PRKAR1B: variants seen among roughly 807,000 people sequenced by gnomAD.
PRKAR1B encodes the protein protein kinase cAMP-dependent type I regulatory subunit beta.
A neutral mutation model predicts 46.5 loss-of-function variants in PRKAR1B; 22 were observed. The ratio of observed to expected loss-of-function variants is 0.47; its 90% CI spans 0.34 to 0.68. The LOEUF (loss-of-function observed/expected upper bound fraction) is 0.68, where lower values mean the gene tolerates loss of function less well. Among genes scored for constraint, PRKAR1B ranks in the 30% least tolerant of loss-of-function variants. The pLI is 0.01. For synonymous variants in PRKAR1B, 259 were observed against 217.7 expected (o/e 1.19, Z -1.67); for missense variants, 445 against 535.6 (o/e 0.83, Z 1.67).
chr7:566,121 T>G (rs1779109896), intron 9 of PRKAR1B, among the ~76,000 whole-genome samples: 1 of 82,174 alleles, frequency 1.2e-5, no homozygotes, highest in Non-Finnish European at 2.7e-5. Context: ...TAAAAAAGTG[T>G]TAGTCACCAC....
intron 7 of PRKAR1B, among the ~76,000 whole-genome samples, chr7:585,271 A>C (rs766674561): frequency 1.3e-5 from 2 of 152,172 alleles, no homozygotes; most frequent in Non-Finnish European, 2.9e-5. Context: ...TGCTCTAGGC[A>C]GTCAGCTCCA....
chr7:660,259 C>G (rs938630080), intron 4 of PRKAR1B, among the ~76,000 whole-genome samples: 2 of 152,014 alleles, frequency 1.3e-5, no homozygotes, highest in East Asian at 1.9e-4. Context: ...ATGGGCCCAC[C>G]GAGTTCCCGT....
chr7:581,962 T>A (rs1377878180), intron 8 of PRKAR1B, among the ~76,000 whole-genome samples: 2 of 152,318 alleles, frequency 1.3e-5, no homozygotes, highest in East Asian at 3.9e-4. Flanking sequence ...CAAGTGATCC[T>A]CCCACCTCAG....
intron 2 of PRKAR1B, among the ~76,000 whole-genome samples, chr7:687,367 T>C (rs540514066): frequency 2.0e-5 from 3 of 151,498 alleles, no homozygotes; most frequent in Admixed American, 2.0e-4. Context: ...GGCACGAAAC[T>C]AAGAAAAAAA....
chr7:658,802 C>T (rs1309556380), intron 4 of PRKAR1B, among the ~76,000 whole-genome samples: 1 of 152,016 alleles, frequency 6.6e-6, no homozygotes, highest in Non-Finnish European at 1.5e-5. Flanking sequence ...AGGCACCCAC[C>T]ATCATGCCAG....
At chr7:553,837 C>A (rs1278909885) in intron 9 of PRKAR1B, among the ~76,000 whole-genome samples, 2 of 152,276 alleles carry the variant, frequency 1.3e-5, no homozygotes, top group African/African-American at 4.8e-5. Context: ...GCTGCCCTGG[C>A]CCCTGATCCG....
intron 9 of PRKAR1B, chr7:565,313 C>T (rs1316392893): frequency 6.6e-6 from 1 of 152,210 alleles, no homozygotes; most frequent in African/African-American, 2.4e-5. Flanking sequence ...AAATGCTGGT[C>T]TTACTACTAA....
At chr7:564,129 A>T (rs1328096653) in intron 9 of PRKAR1B, among the ~76,000 whole-genome samples, 1 of 151,538 alleles carries the variant, frequency 6.6e-6, no homozygotes, top group African/African-American at 2.4e-5. Context: ...TACCCCACGC[A>T]GCCACCACCC....
At chr7:565,701 T>C (rs1022916649) in intron 9 of PRKAR1B, 2 of 152,204 alleles carry the variant, frequency 1.3e-5, no homozygotes, top group Non-Finnish European at 2.9e-5. Flanking sequence ...GCAGGACAGA[T>C]GAGGCACACG....
chr7:645,006 T>C (rs552678310), intron 4 of PRKAR1B, among the ~76,000 whole-genome samples: 16 of 152,300 alleles, frequency 1.1e-4, no homozygotes, highest in African/African-American at 2.6e-4. Context: ...TAAGGCGCAG[T>C]GTGGACGAGT....
intron 6 of PRKAR1B, among the ~76,000 whole-genome samples, chr7:603,022 G>T (rs1408697890): frequency 1.3e-5 from 2 of 152,178 alleles, no homozygotes; most frequent in Non-Finnish European, 2.9e-5. Context: ...CTCCACAAGG[G>T]ATCTCTGGGT....
intron 4 of PRKAR1B, among the ~76,000 whole-genome samples, chr7:672,243 C>T (rs1375827922): frequency 2.6e-5 from 4 of 152,064 alleles, no homozygotes; most frequent in Admixed American, 6.5e-5. Flanking sequence ...CTCCGCCACC[C>T]GGGTTCAAGC....
At chr7:591,276 C>T (rs1210889878) in intron 7 of PRKAR1B, among the ~76,000 whole-genome samples, 1 of 152,246 alleles carries the variant, frequency 6.6e-6, no homozygotes, top group Non-Finnish European at 1.5e-5. Flanking sequence ...TCCGAGCTGG[C>T]CGGTGGGCAC....
chr7:659,331 A>T (rs1785376389), intron 4 of PRKAR1B, among the ~76,000 whole-genome samples: 1 of 152,150 alleles, frequency 6.6e-6, no homozygotes, highest in Non-Finnish European at 1.5e-5. Context: ...GTCTGGCCTG[A>T]AGGAGATGCT....
chr7:614,183 A>G (rs1217897388), intron 4 of PRKAR1B, among the ~76,000 whole-genome samples: 3 of 152,248 alleles, frequency 2.0e-5, no homozygotes, highest in Admixed American at 6.5e-5. Context: ...GCCTCTGTCC[A>G]TAGTCTGGCT....
At chr7:640,521 G>C (rs182811013) in intron 4 of PRKAR1B, among the ~76,000 whole-genome samples, 14 of 152,272 alleles carry the variant, frequency 9.2e-5, no homozygotes, top group Non-Finnish European at 2.1e-4. Flanking sequence ...CCAGCACTTC[G>C]GGAGGCCGAG....
At chr7:646,742 G>A (rs1433697164) in intron 4 of PRKAR1B, among the ~76,000 whole-genome samples, 4 of 152,192 alleles carry the variant, frequency 2.6e-5, no homozygotes, top group Non-Finnish European at 4.4e-5. Flanking sequence ...ATCCTACGAC[G>A]GGGCCGCTAC....
At chr7:658,760 C>A (rs1785343786) in intron 4 of PRKAR1B, among the ~76,000 whole-genome samples, 1 of 152,144 alleles carries the variant, frequency 6.6e-6, no homozygotes, top group South Asian at 2.1e-4. Flanking sequence ...AAGTGATTCT[C>A]CTGCCTCAGC....
intron 9 of PRKAR1B, among the ~76,000 whole-genome samples, chr7:567,474 A>G (rs1458304873): frequency 6.7e-6 from 1 of 149,632 alleles, no homozygotes. Context: ...CACCATCATC[A>G]CCATCACCTT....
Sources: gnomAD v4.1 joint callset for allele counts (sites outside exome capture counted in the v4.1 genomes callset) on GRCh38, gnomAD v4.1.1 for gene constraint, MANE v1.5 for transcripts, NCBI Gene and HGNC (gene_info 2026-07-23, HGNC 2026-07-21) for gene names.